Variants in KLHDC3 observed in about 807,000 individuals in gnomAD.
The protein encoded by KLHDC3 is kelch domain-containing protein 3.
KLHDC3 carries 5 observed loss-of-function variants against 44.1 expected under a neutral mutation model. The observed-to-expected ratio is 0.11, with a 90% CI of 0.06 to 0.24. The LOEUF (loss-of-function observed/expected upper bound fraction) is 0.24, where lower values mean the gene tolerates loss of function less well. Among genes scored for constraint, KLHDC3 ranks in the 10% least tolerant of loss-of-function variants. KLHDC3 has a pLI of 1.00. For missense variants in KLHDC3, 247 were observed against 514.3 expected (o/e 0.48, Z 5.03); for synonymous variants, 170 against 189.0 (o/e 0.90, Z 0.82).
rs192504851 is a variant in KLHDC3 at position 43,014,792 on chromosome 6, G to A, written c.-60+444G>A. On this transcript the variant is annotated intron_variant, in intron 1 of 10. Transcript: ENST00000326974. ...TTGGGTGGAGCTTGGAATGGTAGGA[G>A]AAGGAAAAATGAGAAAACTGCAAAG... Among the ~76,000 whole-genome samples, 383 of 152,186 alleles carry A rather than the reference G, an allele frequency of 2.5e-3. 4 individuals are homozygous for A. Among genetic ancestry groups the A allele is most frequent in the African/African-American group, 8.4e-3 (347 of 41,488 alleles).
rs766263527 is a variant in KLHDC3 at position 43,018,206 on chromosome 6, T to C, written c.509T>C (p.Ile170Thr). ...ACCAGCACCATGACATGGACTCTTA[T>C]CTGTACAAAGGTCTGCTCTTTCTTT... ...LDTSTMTWTL[I>T]CTKGSPARWR... Residue 170 changes from isoleucine to threonine, a missense_variant, in exon 5 of 11, where the codon ATC becomes ACC. Ile to Thr is a moderately conservative substitution (Grantham distance 89). This residue lies in a region of KLHDC3 where 176 missense variants were observed against 413.5 expected (regional missense o/e 0.43). Coordinates refer to ENST00000326974, the MANE Select transcript of KLHDC3 (RefSeq NM_057161.4). This position sits in a 1 kb window ranked among gnomAD's most constrained non-coding sequence, Gnocchi z 6.0. 8.1e-6 allele frequency: 13 copies of C among 1,609,074 alleles called. No individual in the cohort carries two copies. The highest frequency in any genetic ancestry group is 1.3e-5 in the African/African-American group (1 of 74,726).
Position 43,017,534 on chromosome 6 carries a change from C to T in KLHDC3, c.170C>T (p.Thr57Ile), listed in dbSNP as rs2150291533. The T allele has an allele frequency of 2.5e-6, 4 of 1,601,658 alleles. No homozygotes were observed. The highest frequency in any genetic ancestry group is 3.4e-6 in the Non-Finnish European group (4 of 1,172,790). The change falls in exon 3 of 11, where the codon ACA (threonine) becomes ATA (isoleucine). Residue 57 changes from threonine to isoleucine, a missense_variant. Coordinates refer to ENST00000326974, the MANE Select transcript of KLHDC3 (RefSeq NM_057161.4). The surrounding 1 kb of genome is among the most constrained non-coding windows in gnomAD (Gnocchi z 6.0). ...HIFNAVSLRW[T>I]KLPPVKSAIR... Reference sequence around the variant, plus strand: ...GTGCCCACAGTGTCCTTGCGTTGGACAAAGCTGCCCCCGGTGAAGTCTGCC... The same window carrying T: ...GTGCCCACAGTGTCCTTGCGTTGGATAAAGCTGCCCCCGGTGAAGTCTGCC...
Position 43,018,516 on chromosome 6 carries a change from G to A in KLHDC3, c.693G>A (p.Pro231=), listed in dbSNP as rs565690650. ...CTGAGGCTTGGCTGGACTGTCCCCC[G>A]ACTCCAGTGCTGCCTGAGGGGCGCC... The part of the protein sequence containing the change: ...TRTEAWLDCP[P]TPVLPEGRRS... The change falls in exon 6 of 11, where the codon CCG becomes CCA. Residue 231 remains proline, a synonymous_variant. Coordinates refer to ENST00000326974, the MANE Select transcript of KLHDC3 (RefSeq NM_057161.4). This position sits in a 1 kb window ranked among gnomAD's most constrained non-coding sequence, Gnocchi z 6.0. The A allele has an allele frequency of 3.1e-6, 5 of 1,614,110 alleles. No individual in the cohort carries two copies. Among genetic ancestry groups the A allele is most frequent in the Admixed American group, 3.3e-5 (2 of 60,026 alleles).
rs1437590703 is a variant in KLHDC3 at position 43,017,125 on chromosome 6, T to C, written c.-59-9T>C. The C allele has an allele frequency of 7.1e-6, 11 of 1,548,724 alleles. No individual in the cohort carries two copies. The highest frequency in any genetic ancestry group is 8.7e-6 in the Non-Finnish European group (10 of 1,144,862). ...GCCTGAGGATCCCGTGGCCCCAATT[T>C]GTGTGCAGATAGCAGAGGCAGCAGG... On this transcript the variant is annotated splice_polypyrimidine_tract_variant and intron_variant, in intron 1 of 10. Coordinates refer to ENST00000326974, the MANE Select transcript of KLHDC3 (RefSeq NM_057161.4). The surrounding 1 kb of genome is among the most constrained non-coding windows in gnomAD (Gnocchi z 6.0).
chr6:43,017,713 A>G lies in KLHDC3; in HGVS notation c.331+18A>G, dbSNP rs777035823. On this transcript the variant is annotated intron_variant, in intron 3 of 10. Transcript: ENST00000326974. The surrounding 1 kb of genome is among the most constrained non-coding windows in gnomAD (Gnocchi z 6.0). ...TGACGTCAGTGAGTATGGATCTCAGAGAGGCTATGTCCTTCCAGATGTTGC... is the reference window on the plus strand; with the variant it reads ...TGACGTCAGTGAGTATGGATCTCAGGGAGGCTATGTCCTTCCAGATGTTGC... 32 of 1,607,778 alleles carry G rather than the reference A, an allele frequency of 2.0e-5. No individual in the cohort carries two copies. The highest frequency in any genetic ancestry group is 2.6e-5 in the Non-Finnish European group (31 of 1,175,858).
chr6:43,016,876 A>G (rs1446284609), intron 1 of KLHDC3: 11 of 377,794 alleles, frequency 2.9e-5, no homozygotes, highest in Non-Finnish European at 4.9e-5. Context: ...CATGATATGC[A>G]GATTCTGAGC....
In KLHDC3 at chr6:43,017,261, G is replaced by A. The variant is rs1250244444; in HGVS notation, c.69G>A (p.Gly23=). The A allele has an allele frequency of 6.2e-7, 1 of 1,614,064 alleles. No homozygotes were observed. The highest frequency in any genetic ancestry group is 1.7e-5 in the Admixed American group (1 of 60,004). The change falls in exon 2 of 11, where the codon GGG becomes GGA. Residue 23 remains glycine, a synonymous_variant. Coordinates refer to ENST00000326974, the MANE Select transcript of KLHDC3 (RefSeq NM_057161.4). This position sits in a 1 kb window ranked among gnomAD's most constrained non-coding sequence, Gnocchi z 6.0. The part of the protein sequence containing the change: ...RRVNHAAVAV[G]HRVYSFGGYC... ...TGAACCATGCTGCAGTGGCTGTCGG[G>A]CATCGGGTATACTCCTTCGGGGGTT... is the stretch of plus-strand genomic sequence containing the variant.
rs2150291591 is a variant in KLHDC3 at position 43,017,628 on chromosome 6, A to G, written c.264A>G (p.Thr88=). 5.6e-6 allele frequency: 9 copies of G among 1,614,106 alleles called. No homozygotes were observed. The highest frequency in any genetic ancestry group is 6.8e-6 in the Non-Finnish European group (8 of 1,179,992). Residue 88 remains threonine (T), a synonymous_variant, in exon 3 of 11, where the codon ACA becomes ACG. Coordinates refer to ENST00000326974, the MANE Select transcript of KLHDC3 (RefSeq NM_057161.4). The surrounding 1 kb of genome is among the most constrained non-coding windows in gnomAD (Gnocchi z 6.0). ...ACTCAACCGTCCTCATCGACGACACAGTCCTCCTTTGGGGCGGGCGGAATG... is the reference window on the plus strand; with the variant it reads ...ACTCAACCGTCCTCATCGACGACACGGTCCTCCTTTGGGGCGGGCGGAATG... ...YGHSTVLIDD[T]VLLWGGRNDT...
At position 43,016,845 on chromosome 6, in the gene KLHDC3, C is replaced by T. The variant is rs1581876334; in HGVS notation, c.-59-289C>T. On this transcript the variant is annotated intron_variant, in intron 1 of 10. Coordinates refer to ENST00000326974, the MANE Select transcript of KLHDC3 (RefSeq NM_057161.4). ...GTGCCAAGCCAGGGACAGAGTGGAGCCTCCACGAGTAGGTTGTGACCATGA... is the reference window on the plus strand; with the variant it reads ...GTGCCAAGCCAGGGACAGAGTGGAGTCTCCACGAGTAGGTTGTGACCATGA... 1.1e-5 allele frequency: 3 copies of T among 281,100 alleles called. No homozygotes were observed. The East Asian group carries it at 2.2e-4, about 21-fold the overall frequency. The allele number at this position is 281,100 out of a possible 1,614,324, so 17.4% of individuals were successfully genotyped here.
intron 1 of KLHDC3, chr6:43,016,856 A>C (rs1354659395): frequency 9.7e-6 from 3 of 308,946 alleles, no homozygotes; most frequent in Non-Finnish European, 1.8e-5. Context: ...CTCCACGAGT[A>C]GGTTGTGACC....
Position 43,017,076 on chromosome 6 carries a change from C to CA in KLHDC3, c.-59-57dup. On this transcript the variant is annotated intron_variant, in intron 1 of 10. Coordinates refer to ENST00000326974, the MANE Select transcript of KLHDC3 (RefSeq NM_057161.4). The surrounding 1 kb of genome is among the most constrained non-coding windows in gnomAD (Gnocchi z 6.0). ...GGCAAAGGCTGGTTCTGGGCAGAGTCACAGTGAGCTGGGCAGAAGCCTCGC... is the reference window on the plus strand; with the variant it reads ...GGCAAAGGCTGGTTCTGGGCAGAGTCAACAGTGAGCTGGGCAGAAGCCTCGC... 1 of 1,241,826 alleles carries CA rather than the reference C, an allele frequency of 8.1e-7. No homozygotes were observed. The highest frequency in any genetic ancestry group is 1.4e-5 in the South Asian group (1 of 73,666). The allele number at this position is 1,241,826 out of a possible 1,614,324, so 76.9% of individuals were successfully genotyped here.
chr6:43,017,997 A>C lies in KLHDC3; in HGVS notation c.447+29A>C. The C allele has an allele frequency of 6.4e-7, 1 of 1,573,256 alleles. No individual in the cohort carries two copies. Among genetic ancestry groups the C allele is most frequent in the Non-Finnish European group, 8.7e-7 (1 of 1,142,910 alleles). On this transcript the variant is annotated intron_variant, in intron 4 of 10. Coordinates refer to ENST00000326974, the MANE Select transcript of KLHDC3 (RefSeq NM_057161.4). The surrounding 1 kb of genome is among the most constrained non-coding windows in gnomAD (Gnocchi z 6.0). ...GGTCTGGGAATAAAATAAGAGGTTT[A>C]GGGTGGGACTGAGAAAGAGGGGAAG...
chr6:43,017,644 G>A lies in KLHDC3; in HGVS notation c.280G>A (p.Gly94Arg). The change falls in exon 3 of 11, where the codon GGG (glycine) becomes AGG (arginine). Residue 94 changes from glycine (G) to arginine (R), a missense_variant. Physicochemically the swap from Gly to Arg is moderately radical, Grantham distance 125. Transcript: ENST00000326974. The surrounding 1 kb of genome is among the most constrained non-coding windows in gnomAD (Gnocchi z 6.0). Reference protein sequence around the residue: ...LIDDTVLLWGGRNDTEGACNV... With the variant: ...LIDDTVLLWGRRNDTEGACNV... ...CGACGACACAGTCCTCCTTTGGGGC[G>A]GGCGGAATGACACCGAAGGGGCCTG... 6.2e-7 allele frequency: 1 copy of A among 1,614,016 alleles called. No homozygotes were observed. The highest frequency in any genetic ancestry group is 8.5e-7 in the Non-Finnish European group (1 of 1,179,956).
chr6:43,016,442 G>T, intron 1 of KLHDC3: 1 of 152,398 alleles, frequency 6.6e-6, no homozygotes, highest in Non-Finnish European at 1.5e-5. Flanking sequence ...AGTCCTGGCA[G>T]CATACCAGGC....
chr6:43,017,802 A>G lies in KLHDC3; in HGVS notation c.332-51A>G. 1.3e-6 allele frequency: 2 copies of G among 1,587,758 alleles called. No individual in the cohort carries two copies. Among genetic ancestry groups the G allele is most frequent in the Non-Finnish European group, 1.7e-6 (2 of 1,158,062 alleles). On this transcript the variant is annotated intron_variant, in intron 3 of 10. Transcript: ENST00000326974. The surrounding 1 kb of genome is among the most constrained non-coding windows in gnomAD (Gnocchi z 6.0). Reference sequence around the variant, plus strand: ...GGAGTAGAGTACCCCAGAGCTGAGGAGGGACTGTCATAGAGGGTGCTTAGT... The same window carrying G: ...GGAGTAGAGTACCCCAGAGCTGAGGGGGGACTGTCATAGAGGGTGCTTAGT...
chr6:43,019,764 C>T (rs557049305), intron 10 of KLHDC3, among the ~76,000 whole-genome samples: 46 of 152,304 alleles, frequency 3.0e-4, no homozygotes, highest in Non-Finnish European at 6.2e-4. Flanking sequence ...CAATTAACCA[C>T]CAGATGTTAC....
In KLHDC3 at chr6:43,017,097, C is replaced by T; in HGVS notation, c.-59-37C>T. The T allele has an allele frequency of 7.0e-7, 1 of 1,434,408 alleles. No individual in the cohort carries two copies. 88.9% of individuals were successfully genotyped at this position (1,434,408 alleles called of 1,614,324 possible). ...GAGTCACAGTGAGCTGGGCAGAAGC[C>T]TCGCCTGAGGATCCCGTGGCCCCAA... is the stretch of plus-strand genomic sequence containing the variant. On this transcript the variant is annotated intron_variant, in intron 1 of 10. Transcript: ENST00000326974. This position sits in a 1 kb window ranked among gnomAD's most constrained non-coding sequence, Gnocchi z 6.0.
Position 43,017,082 on chromosome 6 carries a change from G to C in KLHDC3, c.-59-52G>C. On this transcript the variant is annotated intron_variant, in intron 1 of 10. Coordinates refer to ENST00000326974, the MANE Select transcript of KLHDC3 (RefSeq NM_057161.4). This position sits in a 1 kb window ranked among gnomAD's most constrained non-coding sequence, Gnocchi z 6.0. ...GGCTGGTTCTGGGCAGAGTCACAGT[G>C]AGCTGGGCAGAAGCCTCGCCTGAGG... 7.7e-7 allele frequency: 1 copy of C among 1,305,252 alleles called. No individual in the cohort carries two copies. 80.9% of individuals were successfully genotyped at this position (1,305,252 alleles called of 1,614,324 possible).
In KLHDC3 at chr6:43,020,841, G is replaced by A. The variant is rs1435155900; in HGVS notation, c.*108G>A. On this transcript the variant is annotated 3_prime_UTR_variant, in exon 11 of 11. Coordinates refer to ENST00000326974, the MANE Select transcript of KLHDC3 (RefSeq NM_057161.4). ...ACCCCTGGACTTGGTATACCTCCAT[G>A]TGGAGTTGTTGGGCGAGAGGTGTTC... is the stretch of plus-strand genomic sequence containing the variant. 7 of 874,176 alleles carry A rather than the reference G, an allele frequency of 8.0e-6. No homozygotes were observed. The highest frequency in any genetic ancestry group is 1.4e-5 in the South Asian group (1 of 73,448). The allele number at this position is 874,176 out of a possible 1,614,324, so 54.2% of individuals were successfully genotyped here. A position where few individuals can be genotyped will look rare whatever the true frequency, so the allele number is the denominator to read the frequency against.
Sources: gnomAD v4.1 joint callset for allele counts (sites outside exome capture counted in the v4.1 genomes callset) on GRCh38, gnomAD v4.1.1 for gene constraint, gnomAD v4.1.1 regional missense constraint, Gnocchi (gnomAD v3.1) non-coding constraint, MANE v1.5 for transcripts, NCBI Gene and HGNC (gene_info 2026-07-23, HGNC 2026-07-21) for gene names.